JCAD: variants seen among roughly 807,000 people sequenced by gnomAD.
The protein encoded by JCAD is junctional cadherin 5-associated protein.
JCAD carries 40 observed loss-of-function variants against 98.0 expected under a neutral mutation model. That is an observed-to-expected ratio of 0.41 (90% CI 0.32 to 0.53). The LOEUF (loss-of-function observed/expected upper bound fraction) is 0.53. JCAD is among the 20% of genes least tolerant of loss of function. The pLI, the probability that JCAD is intolerant of heterozygous loss-of-function variation, is 0.31. For missense variants in JCAD, 1,705 were observed against 1,738.1 expected (o/e 0.98, Z 0.34); for synonymous variants, 691 against 682.3 (o/e 1.01, Z -0.20).
intron 1 of JCAD, among the ~76,000 whole-genome samples, chr10:30,100,108 T>C (rs1319045264): frequency 6.6e-6 from 1 of 152,188 alleles, no homozygotes; most frequent in Non-Finnish European, 1.5e-5. Flanking sequence ...CCCTCCCTTG[T>C]CCAAGTGTGC....
rs1836470895 is a variant in JCAD at position 30,013,620 on chromosome 10, A to C, written c.*4263T>G. ...CGGCTCTGCTGCGGGGCAGGGGTGAAGGGAGGTGGAAGAAAGAAGAGATGG... is the reference window on the plus strand; with the variant it reads ...CGGCTCTGCTGCGGGGCAGGGGTGACGGGAGGTGGAAGAAAGAAGAGATGG... On this transcript the variant is annotated 3_prime_UTR_variant, in exon 4 of 4. Transcript: ENST00000375377. 1 of 152,264 alleles carries C rather than the reference A, an allele frequency of 6.6e-6. No homozygotes were observed. Among genetic ancestry groups the C allele is most frequent in the Admixed American group, 6.5e-5 (1 of 15,278 alleles). The allele number at this position is 152,264 out of a possible 1,614,324, so 9.4% of individuals were successfully genotyped here.
chr10:30,104,501 A>G (rs902400461), intron 1 of JCAD, among the ~76,000 whole-genome samples: 2 of 152,210 alleles, frequency 1.3e-5, no homozygotes, highest in African/African-American at 4.8e-5. Flanking sequence ...GTTTTCACTT[A>G]TAAGTGGGAG....
upstream of JCAD, among the ~76,000 whole-genome samples, chr10:30,059,910 A>T (rs896755661): frequency 3.3e-5 from 5 of 152,178 alleles, no homozygotes; most frequent in Admixed American, 2.0e-4. The surrounding 1 kb of genome is among the most constrained non-coding windows in gnomAD (Gnocchi z 5.0). Context: ...ACAGATGCAC[A>T]CAAACACACT....
At chr10:30,109,663 G>C (rs1016044674) in intron 1 of JCAD, among the ~76,000 whole-genome samples, 29 of 152,188 alleles carry the variant, frequency 1.9e-4, no homozygotes, top group African/African-American at 7.0e-4. Context: ...TCCAAGGGTT[G>C]GGTGGATGGT....
chr10:30,031,824 G>T (rs546848209), intron 2 of JCAD, among the ~76,000 whole-genome samples: 27 of 134,704 alleles, frequency 2.0e-4, no homozygotes, highest in Non-Finnish European at 9.2e-5. Context: ...GTGGGATCTC[G>T]GCTCACTGCA....
In JCAD at chr10:30,016,021, A is replaced by G. The variant is rs1053627339; in HGVS notation, c.*1862T>C. On this transcript the variant is annotated 3_prime_UTR_variant, in exon 4 of 4. Coordinates refer to ENST00000375377, the MANE Select transcript of JCAD (RefSeq NM_020848.4). ...ATTGCTGCTGTGAAAACTGGAGTGC[A>G]CTCTCACTTTTCATAAGAGCTGAAT... 6 of 152,082 alleles carry G rather than the reference A, an allele frequency of 3.9e-5. No individual in the cohort carries two copies. Among genetic ancestry groups the G allele is most frequent in the African/African-American group, 1.4e-4 (6 of 41,398 alleles). 9.4% of individuals were successfully genotyped at this position (152,082 alleles called of 1,614,324 possible). A position where few individuals can be genotyped will look rare whatever the true frequency, so the allele number is the denominator to read the frequency against.
At chr10:30,068,415 A>AAAG (rs1837823989) in intron 2 of JCAD, among the ~76,000 whole-genome samples, 2 of 149,800 alleles carry the variant, frequency 1.3e-5, no homozygotes, top group African/African-American at 4.9e-5. Context: ...AAAAAAAAAA[A>AAAG]GAGGATGTAA....
At chr10:30,049,511 GA>G (rs1239039070) in intron 1 of JCAD, among the ~76,000 whole-genome samples, 1 of 152,168 alleles carries the variant, frequency 6.6e-6, no homozygotes, top group African/African-American at 2.4e-5. Context: ...TCAAACTTTG[GA>G]AGTTGATAAT....
At chr10:30,085,105 A>T (rs1203792168) in intron 1 of JCAD, among the ~76,000 whole-genome samples, 1 of 151,844 alleles carries the variant, frequency 6.6e-6, no homozygotes, top group Non-Finnish European at 1.5e-5. Context: ...CAGTTATATA[A>T]CCTTTCTTGT....
intron 1 of JCAD, among the ~76,000 whole-genome samples, chr10:30,084,926 G>A (rs755383017): frequency 6.6e-6 from 1 of 151,724 alleles, no homozygotes; most frequent in African/African-American, 2.4e-5. Context: ...TGATGAATAC[G>A]GATAGCAATT....
intron 2 of JCAD, among the ~76,000 whole-genome samples, chr10:30,030,498 G>A (rs952091604): frequency 1.1e-4 from 16 of 152,260 alleles, no homozygotes; most frequent in Non-Finnish European, 1.9e-4. Context: ...ATTTCTCAAG[G>A]TGTGGTCTTG....
intron 1 of JCAD, among the ~76,000 whole-genome samples, chr10:30,072,738 C>T (rs1360073896): frequency 6.6e-6 from 1 of 151,956 alleles, no homozygotes; most frequent in African/African-American, 2.4e-5. Context: ...CTGCAACCTT[C>T]GCCTCCTGGG....
rs542856557 is a variant in JCAD, at chr10:30,068,488, A to G, written n.250+1212T>C. Among the ~76,000 whole-genome samples the G allele has an allele frequency of 4.0e-5, 6 of 151,812 alleles. No individual in the cohort carries two copies. The East Asian group carries it at 1.2e-3, about 29-fold the overall frequency. ...CCTGCCTCCCTCAAACTCCCATCACACATGGAAGCTGCTGGTGCAGTACTG... is the reference window on the plus strand; with the variant it reads ...CCTGCCTCCCTCAAACTCCCATCACGCATGGAAGCTGCTGGTGCAGTACTG... On this transcript the variant is annotated intron_variant and non_coding_transcript_variant, in intron 2 of 2. Coordinates refer to the JCAD transcript ENST00000465712.
In JCAD at chr10:30,028,260, T is replaced by C; in HGVS notation, c.1888A>G (p.Thr630Ala). 1.2e-6 allele frequency: 2 copies of C among 1,614,208 alleles called. No homozygotes were observed. Among genetic ancestry groups the C allele is most frequent in the Non-Finnish European group, 1.7e-6 (2 of 1,180,046 alleles). ...QEQSLLSMSSTDLELQALTGS... is the reference protein window; with the variant it reads ...QEQSLLSMSSADLELQALTGS... ...GTGAGGGCCTGCAGCTCCAGGTCGG[T>C]GGAAGACATGCTCAGCAGACTCTGT... is the stretch of plus-strand genomic sequence containing the variant. The change falls in exon 3 of 4, where the codon ACC becomes GCC. Residue 630 changes from threonine to alanine, a missense_variant. This residue lies in a region of JCAD where 1,278 missense variants were observed against 1,243.1 expected (regional missense o/e 1.03). Coordinates refer to ENST00000375377, the MANE Select transcript of JCAD (RefSeq NM_020848.4).
chr10:30,015,315 T>C lies in JCAD; in HGVS notation c.*2568A>G, dbSNP rs1836511591. The stretch of plus-strand genomic sequence containing the variant: ...CAGCCACAAAAAACGAAGTTATGTA[T>C]GTATGAGAAATAGAAACAATAACTA... On this transcript the variant is annotated 3_prime_UTR_variant, in exon 4 of 4. Coordinates refer to ENST00000375377, the MANE Select transcript of JCAD (RefSeq NM_020848.4). 1 of 152,210 alleles carries C rather than the reference T, an allele frequency of 6.6e-6. No homozygotes were observed. Among genetic ancestry groups the C allele is most frequent in the Non-Finnish European group, 1.5e-5 (1 of 68,036 alleles). 9.4% of individuals were successfully genotyped at this position (152,210 alleles called of 1,614,324 possible).
chr10:30,022,910 G>T (rs753228580), intron 3 of JCAD, among the ~76,000 whole-genome samples: 3 of 152,028 alleles, frequency 2.0e-5, no homozygotes, highest in Non-Finnish European at 2.9e-5. Context: ...TTCACATTCG[G>T]TCACCACTCA....
chr10:30,066,608 G>A (rs1297899548), intron 2 of JCAD, among the ~76,000 whole-genome samples: 1 of 152,192 alleles, frequency 6.6e-6, no homozygotes, highest in Non-Finnish European at 1.5e-5. Context: ...ACAGGGGTGT[G>A]GCCAGCACCA....
At chr10:30,045,629 AC>A (rs1379838601) in intron 2 of JCAD, among the ~76,000 whole-genome samples, 4 of 152,190 alleles carry the variant, frequency 2.6e-5, no homozygotes, top group African/African-American at 9.6e-5. Flanking sequence ...CAGACAACTC[AC>A]CCATAAGACC....
chr10:30,089,513 CGTGTGTGTGTGTGTGTGTGTGTGT>C (rs58665379), intron 1 of JCAD, among the ~76,000 whole-genome samples: 1 of 142,954 alleles, frequency 7.0e-6, no homozygotes, highest in Non-Finnish European at 1.5e-5. Flanking sequence ...ATGCTTCTTC[CGTGTGTGTGTGTGTGTGTGTGTGT>C]GTGTGTGTGT....
Sources: allele counts gnomAD v4.1 joint callset (sites outside exome capture counted in the v4.1 genomes callset), GRCh38; gene constraint gnomAD v4.1.1; regional missense constraint gnomAD v4.1.1; non-coding constraint Gnocchi (gnomAD v3.1); transcripts MANE v1.5; gene names NCBI Gene and HGNC (gene_info 2026-07-23, HGNC 2026-07-21).